Variants in MKLN1 observed in about 807,000 individuals in gnomAD.
MKLN1 encodes the protein muskelin 1, also known as muskelin.
In MKLN1, 18 loss-of-function variants were observed where a neutral mutation model predicts 99.0. The observed-to-expected ratio is 0.18, with a 90% confidence interval of 0.13 to 0.27. The LOEUF is 0.27. Ranked by LOEUF, MKLN1 falls within the 10% of genes least tolerant of loss-of-function variation. The pLI is 1.00. For synonymous variants in MKLN1, 288 were observed against 293.2 expected, an observed-to-expected ratio of 0.98 and a Z score of 0.18; for missense variants, 621 against 875.9, an observed-to-expected ratio of 0.71 and a Z score of 3.67.
intron 3 of MKLN1, among the ~76,000 whole-genome samples, chr7:131,234,091 T>G (rs1335164290): frequency 6.6e-6 from 1 of 152,174 alleles, no homozygotes; most frequent in African/African-American, 2.4e-5. Flanking sequence ...GCGATTCTCC[T>G]GCCTCAGCCT....
intron 3 of MKLN1, among the ~76,000 whole-genome samples, chr7:131,308,306 G>A (rs932998668): frequency 6.8e-6 from 1 of 147,992 alleles, no homozygotes; most frequent in East Asian, 2.0e-4. Flanking sequence ...CTGTCAGCCA[G>A]GCTGGAATGC....
chr7:131,425,385 T>TA (rs538927050), intron 8 of MKLN1, among the ~76,000 whole-genome samples: 129 of 152,314 alleles, frequency 8.5e-4, no homozygotes, highest in South Asian at 1.9e-3. Flanking sequence ...CTCAGCCAGA[T>TA]ATACTGTCTT....
intron 2 of MKLN1, among the ~76,000 whole-genome samples, chr7:131,200,386 G>A (rs1167688667): frequency 6.6e-6 from 1 of 152,154 alleles, no homozygotes; most frequent in Non-Finnish European, 1.5e-5. Flanking sequence ...GAAAACTTTG[G>A]TCCTTTATGT....
chr7:131,359,885 C>T (rs1799979092), intron 1 of MKLN1, among the ~76,000 whole-genome samples: 1 of 152,038 alleles, frequency 6.6e-6, no homozygotes, highest in Admixed American at 6.6e-5. Context: ...AGGCCTGCAC[C>T]ACCACGCCTA....
At chr7:131,337,323 C>T (rs1405210368) in intron 1 of MKLN1, among the ~76,000 whole-genome samples, 4 of 152,096 alleles carry the variant, frequency 2.6e-5, no homozygotes, top group African/African-American at 7.2e-5. Flanking sequence ...CTCCTTTGCT[C>T]TGTGACTCCA....
chr7:131,115,048 T>C (rs1795254130), intron 1 of MKLN1, among the ~76,000 whole-genome samples: 1 of 152,006 alleles, frequency 6.6e-6, no homozygotes, highest in South Asian at 2.1e-4. Context: ...ATGGGGATAG[T>C]AGCCAAACTG....
chr7:131,382,415 T>C (rs1303394957), intron 2 of MKLN1, among the ~76,000 whole-genome samples: 1 of 152,186 alleles, frequency 6.6e-6, no homozygotes, highest in Non-Finnish European at 1.5e-5. Context: ...GGTTTTAATT[T>C]GCATTTTTAA....
At chr7:131,411,125 T>C (rs1794861003) in intron 6 of MKLN1, among the ~76,000 whole-genome samples, 181 bp from the exon 7 acceptor site, 1 of 152,252 alleles carries the variant, frequency 6.6e-6, no homozygotes, top group South Asian at 2.1e-4. Context: ...TATTTTACTA[T>C]TTATATTTGA....
chr7:131,279,253 T>C (rs1310098767), intron 3 of MKLN1, among the ~76,000 whole-genome samples: 1 of 152,196 alleles, frequency 6.6e-6, no homozygotes, highest in African/African-American at 2.4e-5. Context: ...TTGACATGAC[T>C]GACAGGAGTA....
At chr7:131,248,383 C>T (rs1425959093) in intron 3 of MKLN1, among the ~76,000 whole-genome samples, 2 of 152,000 alleles carry the variant, frequency 1.3e-5, no homozygotes, top group South Asian at 2.1e-4. Flanking sequence ...CTGCTGGTAC[C>T]CCAGTTATCC....
chr7:131,496,025 A>G lies in MKLN1; in HGVS notation c.*8297A>G, dbSNP rs1797548882. 6.6e-6 allele frequency: 1 copy of G among 151,318 alleles called. No individual in the cohort carries two copies. Among genetic ancestry groups the G allele is most frequent in the Non-Finnish European group, 1.5e-5 (1 of 68,042 alleles). The allele number at this position is 151,318 out of a possible 1,614,324, so 9.4% of individuals were successfully genotyped here. ...AAAATGAACATGAAGCAAGGAGTCC[A>G]TAAAACAAGAGTTCTTTACCACGTT... is the stretch of plus-strand genomic sequence containing the variant. On this transcript the variant is annotated 3_prime_UTR_variant, in exon 18 of 18. Transcript: ENST00000352689.
At chr7:131,220,240 T>C (rs978034748) in intron 3 of MKLN1, among the ~76,000 whole-genome samples, 2 of 152,164 alleles carry the variant, frequency 1.3e-5, no homozygotes, top group South Asian at 4.1e-4. Context: ...CTAGTCCCCA[T>C]CCTATCATTC....
chr7:131,405,611 G>A (rs1213753202), intron 6 of MKLN1, among the ~76,000 whole-genome samples: 1 of 151,816 alleles, frequency 6.6e-6, no homozygotes, highest in African/African-American at 2.4e-5. Context: ...TCCTCCTCTT[G>A]TTCTTTAGTT....
At chr7:131,323,890 A>C (rs947817583), upstream of MKLN1, 2 of 152,226 alleles carry the variant, frequency 1.3e-5, no homozygotes, top group African/African-American at 2.4e-5. Flanking sequence ...AAAGGGGTAC[A>C]CATTTCAGTT....
chr7:131,349,646 A>G (rs1412097068), intron 1 of MKLN1, among the ~76,000 whole-genome samples: 3 of 152,250 alleles, frequency 2.0e-5, no homozygotes, highest in African/African-American at 7.2e-5. Flanking sequence ...TTTGAAATAT[A>G]TTCTGAAGGG....
rs1204936158 is a variant in MKLN1 at position 131,199,501 on chromosome 7, CTT to C, written c.-296-3354_-296-3353del. Among the ~76,000 whole-genome samples the C allele has an allele frequency of 3.9e-5, 6 of 152,272 alleles. No individual in the cohort carries two copies. In the East Asian group the frequency reaches 9.6e-4, roughly 24 times the overall value. On this transcript the variant is annotated intron_variant, in intron 2 of 7. Transcript: ENST00000416992. ...ACTCTTGGCCTCTTCAACCCAAACT[CTT>C]TATTTCAATACTCACTGAAGAATAT...
At chr7:131,268,981 G>C (rs1265122408) in intron 3 of MKLN1, among the ~76,000 whole-genome samples, 3 of 152,096 alleles carry the variant, frequency 2.0e-5, no homozygotes, top group African/African-American at 7.2e-5. Context: ...TTCACACATA[G>C]GACTTTCCAG....
At chr7:131,287,641 T>G (rs1798152587) in intron 3 of MKLN1, among the ~76,000 whole-genome samples, 1 of 151,884 alleles carries the variant, frequency 6.6e-6, no homozygotes, top group Non-Finnish European at 1.5e-5. Flanking sequence ...GATTCGGCTG[T>G]GGGCATGTTT....
intron 1 of MKLN1, among the ~76,000 whole-genome samples, chr7:131,134,618 G>A (rs557749745): frequency 3.9e-5 from 6 of 152,082 alleles, no homozygotes; most frequent in African/African-American, 1.4e-4. Flanking sequence ...CTTCAACCTC[G>A]GCCCGTCTCT....
Sources: allele counts gnomAD v4.1 joint callset (sites outside exome capture counted in the v4.1 genomes callset), GRCh38; gene constraint gnomAD v4.1.1; transcripts MANE v1.5; gene names NCBI Gene and HGNC (gene_info 2026-07-23, HGNC 2026-07-21).